The following EYA4 variants were observed in gnomAD, a reference collection of about 807,000 sequenced individuals.
EYA4 encodes EYA transcriptional coactivator and phosphatase 4.
A neutral mutation model predicts 87.9 loss-of-function variants in EYA4; 31 were observed. The observed-to-expected ratio is 0.35, with a 90% CI of 0.27 to 0.48. The LOEUF (loss-of-function observed/expected upper bound fraction) is 0.48. Among genes scored for constraint, EYA4 ranks in the 20% least tolerant of loss-of-function variants. The pLI is 0.99. For synonymous variants in EYA4, 263 were observed against 270.6 expected (o/e 0.97, Z 0.28); for missense variants, 678 against 761.4 (o/e 0.89, Z 1.29).
chr6:133,240,913 A>G (rs965887278), upstream of EYA4: 8 of 152,448 alleles, frequency 5.2e-5, no homozygotes, highest in Non-Finnish European at 1.2e-4. Context: ...AGTTCCAGGC[A>G]ATTCCGGGGG....
intron 1 of EYA4, among the ~76,000 whole-genome samples, chr6:133,246,468 T>A (rs1216856006): frequency 6.6e-6 from 1 of 151,784 alleles, no homozygotes; most frequent in African/African-American, 2.4e-5. Flanking sequence ...TCTGCACAGG[T>A]AGTTTATTTA....
At chr6:133,446,482 A>T (rs1792857272) in intron 3 of EYA4, 148 bp from the exon 4 acceptor site, 1 of 830,202 alleles carries the variant, frequency 1.2e-6, no homozygotes, top group Non-Finnish European at 2.0e-6. Flanking sequence ...TTTCTCATGA[A>T]CTGGCATGTT....
chr6:133,312,786 C>T (rs957014249), intron 2 of EYA4, among the ~76,000 whole-genome samples: 3 of 152,148 alleles, frequency 2.0e-5, no homozygotes, highest in Non-Finnish European at 2.9e-5. Flanking sequence ...TCTTTTTCTG[C>T]TTCTAAGAAA....
At chr6:133,372,385 C>T (rs960647556) in intron 2 of EYA4, among the ~76,000 whole-genome samples, 1 of 151,970 alleles carries the variant, frequency 6.6e-6, no homozygotes, top group East Asian at 1.9e-4. Flanking sequence ...TTATTAACTA[C>T]TAATGAAGAA....
At chr6:133,338,442 C>T (rs1303761478) in intron 2 of EYA4, among the ~76,000 whole-genome samples, 1 of 152,120 alleles carries the variant, frequency 6.6e-6, no homozygotes, top group Non-Finnish European at 1.5e-5. Context: ...TGGTTTATGT[C>T]ACTTCACTTG....
chr6:133,273,058 G>A (rs1032903246), intron 1 of EYA4, among the ~76,000 whole-genome samples: 1 of 140,754 alleles, frequency 7.1e-6, no homozygotes, highest in South Asian at 2.3e-4. Context: ...CTGTATTAGG[G>A]TTCTCTATAG....
intron 2 of EYA4, among the ~76,000 whole-genome samples, chr6:133,365,657 C>G (rs1784802805): frequency 6.6e-6 from 1 of 151,910 alleles, no homozygotes; most frequent in Admixed American, 6.6e-5. Flanking sequence ...AAGGGAAGGG[C>G]AGAGGAAACA....
intron 1 of EYA4, among the ~76,000 whole-genome samples, chr6:133,272,896 G>A (rs1341083412): frequency 2.0e-5 from 3 of 151,958 alleles, no homozygotes; most frequent in Non-Finnish European, 4.4e-5. Context: ...TGGGTTAGAA[G>A]CCTGGCTCGC....
chr6:133,486,182 AC>A (rs1796668224), intron 13 of EYA4, among the ~76,000 whole-genome samples: 1 of 152,190 alleles, frequency 6.6e-6, no homozygotes, highest in Non-Finnish European at 1.5e-5. Context: ...TCCATGAAAA[AC>A]AACTTATATT....
At chr6:133,291,218 C>G (rs750415766) in intron 2 of EYA4, among the ~76,000 whole-genome samples, 1 of 152,032 alleles carries the variant, frequency 6.6e-6, no homozygotes, top group Non-Finnish European at 1.5e-5. Flanking sequence ...TCATTTTGAC[C>G]CGGAATTAAA....
At chr6:133,344,914 C>T (rs985398592) in intron 2 of EYA4, among the ~76,000 whole-genome samples, 7 of 152,040 alleles carry the variant, frequency 4.6e-5, no homozygotes, top group Non-Finnish European at 8.8e-5. Context: ...AACTTATTAG[C>T]TTATCTTCTA....
intron 13 of EYA4, among the ~76,000 whole-genome samples, chr6:133,504,311 T>A (rs142845134): frequency 6.6e-6 from 1 of 152,354 alleles, no homozygotes; most frequent in African/African-American, 2.4e-5. Flanking sequence ...CAAATGGTTC[T>A]GTCACTGGAA....
intron 2 of EYA4, among the ~76,000 whole-genome samples, chr6:133,374,989 A>T (rs563242614): frequency 6.6e-6 from 1 of 152,186 alleles, no homozygotes; most frequent in South Asian, 2.1e-4. Flanking sequence ...TTGTATAAAC[A>T]TATTAAAACA....
intron 2 of EYA4, among the ~76,000 whole-genome samples, chr6:133,295,602 C>T (rs921783390): frequency 1.2e-4 from 18 of 151,936 alleles, no homozygotes; most frequent in African/African-American, 4.1e-4. Context: ...AATTTTTATC[C>T]TTGCAAAAAT....
At chr6:133,412,396 A>C (rs1484837778) in intron 3 of EYA4, among the ~76,000 whole-genome samples, 1 of 152,216 alleles carries the variant, frequency 6.6e-6, no homozygotes, top group Non-Finnish European at 1.5e-5. Context: ...ATCGAATGTG[A>C]TCAATTCCCA....
chr6:133,268,620 G>A (rs1236932782), intron 1 of EYA4, among the ~76,000 whole-genome samples: 5 of 152,156 alleles, frequency 3.3e-5, no homozygotes, highest in Non-Finnish European at 7.4e-5. Flanking sequence ...TTAACTATTT[G>A]CGTGCATCAT....
chr6:133,512,382 C>T (rs1412215842), intron 14 of EYA4, among the ~76,000 whole-genome samples: 1 of 152,140 alleles, frequency 6.6e-6, no homozygotes, highest in African/African-American at 2.4e-5. Context: ...GTATGCACAA[C>T]AGAAATGGCC....
intron 2 of EYA4, among the ~76,000 whole-genome samples, chr6:133,293,667 G>A (rs1435839040): frequency 2.0e-5 from 3 of 152,016 alleles, no homozygotes; most frequent in African/African-American, 7.2e-5. Flanking sequence ...TTAGAGCCTG[G>A]GCGCATGCCT....
chr6:133,245,528 A>G (rs1774335663), intron 1 of EYA4, among the ~76,000 whole-genome samples: 1 of 152,224 alleles, frequency 6.6e-6, no homozygotes, highest in Non-Finnish European at 1.5e-5. Context: ...TACTAGGTGA[A>G]GGAAATCAAC....
Sources: allele counts gnomAD v4.1 joint callset (sites outside exome capture counted in the v4.1 genomes callset), GRCh38; gene constraint gnomAD v4.1.1; transcripts MANE v1.5; gene names NCBI Gene and HGNC (gene_info 2026-07-23, HGNC 2026-07-21).